ANKRD44: variants seen among roughly 807,000 people sequenced by gnomAD.
ANKRD44 encodes ankyrin repeat domain 44.
Under a neutral mutation model 116.0 loss-of-function variants are expected in ANKRD44, and 35 were observed. That is an observed-to-expected ratio of 0.30 (90% CI 0.23 to 0.40). The LOEUF (loss-of-function observed/expected upper bound fraction) is 0.40. Ranked by LOEUF, ANKRD44 falls within the 10% of genes least tolerant of loss-of-function variation. The pLI is 1.00. For missense variants in ANKRD44, 1,014 were observed against 1,242.6 expected (o/e 0.82, Z 2.77); for synonymous variants, 435 against 461.8 (o/e 0.94, Z 0.74).
intron 1 of ANKRD44, among the ~76,000 whole-genome samples, chr2:197,284,537 CACACAT>C (rs34792919): frequency 0.26 from 36,109 of 139,530 alleles, 5,026 homozygotes; most frequent in East Asian, 0.43. Context: ...CACACACACA[CACACAT>C]AATTTGTGTG....
At chr2:197,060,102 C>T (rs2077279116) in intron 16 of ANKRD44, among the ~76,000 whole-genome samples, 1 of 152,138 alleles carries the variant, frequency 6.6e-6, no homozygotes, top group African/African-American at 2.4e-5. Context: ...TCTAGGACAT[C>T]ATGTTTTATC....
chr2:197,282,890 G>T (rs1326849931), intron 1 of ANKRD44, among the ~76,000 whole-genome samples: 1 of 152,142 alleles, frequency 6.6e-6, no homozygotes, highest in African/African-American at 2.4e-5. Flanking sequence ...TCCGGGAGGT[G>T]TCCTCTCTAC....
At chr2:197,024,223 T>C (rs1299192321) in intron 17 of ANKRD44, among the ~76,000 whole-genome samples, 1 of 152,242 alleles carries the variant, frequency 6.6e-6, no homozygotes, top group African/African-American at 2.4e-5. Context: ...GGAGTGCTTA[T>C]GTACACATAG....
At chr2:197,007,689 G>C in intron 20 of ANKRD44, 117 bp downstream of exon 20, 2 of 718,536 alleles carry the variant, frequency 2.8e-6, no homozygotes, top group Non-Finnish European at 4.8e-6. Context: ...AACAATTTTT[G>C]CTAAACATTT....
chr2:197,068,263 A>G (rs1574392116), intron 16 of ANKRD44, among the ~76,000 whole-genome samples: 1 of 138,344 alleles, frequency 7.2e-6, no homozygotes, highest in Middle Eastern at 3.5e-3. Context: ...CTAATGCTAG[A>G]TGACACATTA....
chr2:197,219,957 G>A (rs1191426134), intron 1 of ANKRD44, among the ~76,000 whole-genome samples: 1 of 152,116 alleles, frequency 6.6e-6, no homozygotes, highest in Admixed American at 6.5e-5. Context: ...ATTTTAACAA[G>A]CTATAGAAGG....
intron 1 of ANKRD44, among the ~76,000 whole-genome samples, chr2:197,202,094 G>A (rs2081104260): frequency 6.6e-6 from 1 of 152,252 alleles, no homozygotes; most frequent in African/African-American, 2.4e-5. Flanking sequence ...GCCTGTGACA[G>A]CAGTGGCCTG....
At chr2:197,104,154 T>C (rs2078371024) in intron 9 of ANKRD44, among the ~76,000 whole-genome samples, 1 of 152,196 alleles carries the variant, frequency 6.6e-6, no homozygotes, top group South Asian at 2.1e-4. Context: ...AAAGTCTTGC[T>C]TTGTCACCCA....
At chr2:197,247,569 G>A (rs1159010164) in intron 1 of ANKRD44, among the ~76,000 whole-genome samples, 2 of 152,182 alleles carry the variant, frequency 1.3e-5, no homozygotes, top group African/African-American at 4.8e-5. Context: ...AACTTAATTT[G>A]TATCGTGCAT....
chr2:197,282,824 G>A (rs1002810986), intron 1 of ANKRD44, among the ~76,000 whole-genome samples: 5 of 152,156 alleles, frequency 3.3e-5, no homozygotes, highest in Admixed American at 3.3e-4. Flanking sequence ...CCAGCATAAT[G>A]ACATGTGCCT....
At chr2:197,110,594 T>C (rs548377251) in intron 9 of ANKRD44, among the ~76,000 whole-genome samples, 172 bp downstream of exon 9, 2 of 152,352 alleles carry the variant, frequency 1.3e-5, no homozygotes, top group African/African-American at 4.8e-5. Context: ...AAGGTGGATG[T>C]TGATGACATG....
chr2:197,002,411 T>C (rs1046733638), intron 21 of ANKRD44, among the ~76,000 whole-genome samples: 1 of 152,234 alleles, frequency 6.6e-6, no homozygotes, highest in Non-Finnish European at 1.5e-5. Context: ...GAAATTATTT[T>C]CAACAAAATG....
intron 8 of ANKRD44, among the ~76,000 whole-genome samples, chr2:197,121,038 T>A (rs141176463): frequency 6.6e-6 from 1 of 151,704 alleles, no homozygotes; most frequent in Non-Finnish European, 1.5e-5. Context: ...TAAGCAATTC[T>A]CTGCCTCAGC....
chr2:197,114,487 C>A (rs1190464436), intron 8 of ANKRD44, among the ~76,000 whole-genome samples: 1 of 152,286 alleles, frequency 6.6e-6, no homozygotes, highest in East Asian at 1.9e-4. Context: ...CTCAGCATTG[C>A]CTAAGGAAGA....
chr2:197,006,738 G>A (rs2076209450), intron 20 of ANKRD44, among the ~76,000 whole-genome samples: 1 of 152,128 alleles, frequency 6.6e-6, no homozygotes, highest in Admixed American at 6.5e-5. Context: ...ATTTATCAGT[G>A]TACTTGGTAC....
At chr2:197,206,151 AAG>A (rs1489901409) in intron 1 of ANKRD44, among the ~76,000 whole-genome samples, 2 of 152,212 alleles carry the variant, frequency 1.3e-5, no homozygotes, top group Non-Finnish European at 2.9e-5. Context: ...TCATTCAGCT[AAG>A]AGGGGATGAC....
chr2:197,140,838 T>C (rs1199525628), intron 3 of ANKRD44, among the ~76,000 whole-genome samples: 1 of 152,118 alleles, frequency 6.6e-6, no homozygotes, highest in African/African-American at 2.4e-5. Context: ...TCATGGGTGT[T>C]TGTATATGTC....
intron 1 of ANKRD44, among the ~76,000 whole-genome samples, chr2:197,228,771 C>T (rs1295423365): frequency 2.0e-5 from 3 of 152,232 alleles, no homozygotes; most frequent in Non-Finnish European, 4.4e-5. Context: ...CGCGGAGGCT[C>T]ACGCCTGTAA....
Position 197,122,281 on chromosome 2 carries a change from T to C in ANKRD44, c.693+369A>G, listed in dbSNP as rs527823956. On this transcript the variant is annotated intron_variant, in intron 7 of 27. Coordinates refer to ENST00000282272, the MANE Select transcript of ANKRD44 (RefSeq NM_001195144.2). ...TTTCCAGCTCAAGAGTAGACATTGC[T>C]GCTGTTTGTCTCTGCCATTTATTCA... is the stretch of plus-strand genomic sequence containing the variant. Among the ~76,000 whole-genome samples, 266 of 152,300 alleles carry C rather than the reference T, an allele frequency of 1.7e-3. 1 individual carries two copies. Among genetic ancestry groups the C allele is most frequent in the African/African-American group, 5.9e-3 (246 of 41,564 alleles).
Sources: gnomAD v4.1 joint callset for allele counts (sites outside exome capture counted in the v4.1 genomes callset) on GRCh38, gnomAD v4.1.1 for gene constraint, MANE v1.5 for transcripts, NCBI Gene and HGNC (gene_info 2026-07-23, HGNC 2026-07-21) for gene names.